KIAA1958: variants seen among roughly 807,000 people sequenced by gnomAD.
The protein encoded by KIAA1958 is uncharacterized protein KIAA1958.
KIAA1958 carries 14 observed loss-of-function variants against 47.2 expected under a neutral mutation model. The ratio of observed to expected loss-of-function variants is 0.30; its 90% CI spans 0.20 to 0.46. KIAA1958 has a LOEUF of 0.46. Among genes scored for constraint, KIAA1958 ranks in the 20% least tolerant of loss-of-function variants. The pLI is 1.00. For synonymous variants in KIAA1958, 354 were observed against 353.3 expected, an observed-to-expected ratio of 1.00 and a Z score of -0.02; for missense variants, 803 against 909.2, an observed-to-expected ratio of 0.88 and a Z score of 1.50.
chr9:112,645,791 A>G lies in KIAA1958; in HGVS notation c.1313A>G (p.Asn438Ser). 1.2e-6 allele frequency: 2 copies of G among 1,613,748 alleles called. No individual in the cohort carries two copies. The highest frequency in any genetic ancestry group is 1.7e-6 in the Non-Finnish European group (2 of 1,179,900). ...GTGTGGCGTTATTGGTGCATGACCA[A>G]CGGGCTCAAAGACCACACAGACATC... ...LNVWRYWCMTNGLKDHTDITK... is the reference protein window; with the variant it reads ...LNVWRYWCMTSGLKDHTDITK... Residue 438 changes from asparagine (N) to serine (S), a missense_variant, in exon 3 of 4, where the codon AAC (asparagine) becomes AGC (serine). This residue lies in a region of KIAA1958 where 761 missense variants were observed against 829.3 expected (regional missense o/e 0.92). Transcript: ENST00000337530.
chr9:112,552,261 C>T (rs1331795959), intron 1 of KIAA1958, among the ~76,000 whole-genome samples: 3 of 152,210 alleles, frequency 2.0e-5, no homozygotes, highest in Non-Finnish European at 4.4e-5. Context: ...CTCACAGAAA[C>T]CTCTGGAACA....
At chr9:112,582,145 T>G (rs1219794883) in intron 2 of KIAA1958, 1 of 154,156 alleles carries the variant, frequency 6.5e-6, no homozygotes, top group African/African-American at 2.4e-5. Flanking sequence ...CATTTTTTGC[T>G]CATTTACTTG....
intron 2 of KIAA1958, among the ~76,000 whole-genome samples, chr9:112,583,230 A>G (rs1375287913): frequency 6.6e-6 from 1 of 152,240 alleles, no homozygotes; most frequent in South Asian, 2.1e-4. Context: ...AGGCTTTGCC[A>G]GTCAAATGCA....
At chr9:112,584,490 T>G (rs978077675) in intron 2 of KIAA1958, among the ~76,000 whole-genome samples, 3 of 152,236 alleles carry the variant, frequency 2.0e-5, no homozygotes, top group African/African-American at 7.2e-5. Context: ...AGTATTTTTG[T>G]TAGAAAGCAA....
In KIAA1958 at chr9:112,645,753, G is replaced by GC; in HGVS notation, c.1275_1276insC (p.Tyr426LeufsTer94). The GC allele has an allele frequency of 6.2e-7, 1 of 1,614,160 alleles. No homozygotes were observed. The highest frequency in any genetic ancestry group is 8.5e-7 in the Non-Finnish European group (1 of 1,180,002). ...GCCCAAATACTACCAAAGCCACGCG[G>GC]TACGCCTTGAATGTGTGGCGTTATT... is the stretch of plus-strand genomic sequence containing the variant. On this transcript the variant is annotated frameshift_variant, in exon 3 of 4. Transcript: ENST00000337530. LOFTEE classifies it high-confidence loss of function.
intron 2 of KIAA1958, among the ~76,000 whole-genome samples, chr9:112,591,727 A>T (rs1009112933): frequency 3.3e-5 from 5 of 152,096 alleles, no homozygotes; most frequent in African/African-American, 1.2e-4. Flanking sequence ...TGTCTCCACA[A>T]AAAAAAGAAA....
chr9:112,513,242 T>G (rs1356454262), intron 1 of KIAA1958, among the ~76,000 whole-genome samples: 4 of 127,592 alleles, frequency 3.1e-5, no homozygotes, highest in Admixed American at 1.6e-4. Context: ...TGACCTCAGG[T>G]GATCCACCCA....
chr9:112,656,082 A>G (rs978163448), intron 3 of KIAA1958, among the ~76,000 whole-genome samples: 1 of 152,120 alleles, frequency 6.6e-6, no homozygotes, highest in Admixed American at 6.5e-5. Context: ...AAACTTTACA[A>G]TGCATTTTAG....
chr9:112,507,029 T>A lies in KIAA1958; in HGVS notation c.-25+19911T>A, dbSNP rs78522567. Among the ~76,000 whole-genome samples the A allele has an allele frequency of 5.5e-3, 834 of 152,236 alleles. 8 individuals carry two copies. The highest frequency in any genetic ancestry group is 0.019 in the African/African-American group (798 of 41,528). On this transcript the variant is annotated intron_variant, in intron 1 of 3. Transcript: ENST00000337530. ...CATTACATTAGACCTCTGAGAAAAATTTTTTAAGTGCTTCAATATTTATGA... is the reference window on the plus strand; with the variant it reads ...CATTACATTAGACCTCTGAGAAAAAATTTTTAAGTGCTTCAATATTTATGA...
chr9:112,629,662 CTG>C (rs910665762), intron 2 of KIAA1958, among the ~76,000 whole-genome samples: 1 of 152,140 alleles, frequency 6.6e-6, no homozygotes, highest in African/African-American at 2.4e-5. Flanking sequence ...TCATATTTGT[CTG>C]TGTACTTGTG....
At chr9:112,619,169 C>T (rs1246317807) in intron 2 of KIAA1958, 1 of 204,966 alleles carries the variant, frequency 4.9e-6, no homozygotes, top group African/African-American at 2.4e-5. Flanking sequence ...TTTACAAAAC[C>T]ATACGTGGTT....
intron 1 of KIAA1958, among the ~76,000 whole-genome samples, chr9:112,557,905 A>G (rs1191182309): frequency 2.0e-5 from 3 of 152,230 alleles, no homozygotes; most frequent in African/African-American, 2.4e-5. Flanking sequence ...TTAATATGAT[A>G]TGGCATACTG....
chr9:112,593,815 C>T (rs905840903), intron 2 of KIAA1958, among the ~76,000 whole-genome samples: 1 of 151,786 alleles, frequency 6.6e-6, no homozygotes, highest in African/African-American at 2.4e-5. Flanking sequence ...CCTCAAGCAC[C>T]AACTGCAAGG....
At position 112,574,190 on chromosome 9, in the gene KIAA1958, C is replaced by G. The variant is rs377509113; in HGVS notation, c.110C>G (p.Ser37Cys). Residue 37 changes from serine (S) to cysteine (C), a missense_variant, in exon 2 of 4, where the codon TCT becomes TGT. Transcript: ENST00000337530. ...SLIPNLKHLL[S>C]EGSHGNLTAM... is the part of the protein sequence containing the mutation. The stretch of plus-strand genomic sequence containing the variant: ...ATTCCAAACCTGAAACACTTGCTTT[C>G]TGAAGGTTCCCATGGGAACCTGACA... The G allele has an allele frequency of 7.4e-6, 12 of 1,614,146 alleles. No individual in the cohort carries two copies. The highest frequency in any genetic ancestry group is 9.3e-6 in the Non-Finnish European group (11 of 1,179,986).
chr9:112,601,363 A>G (rs1457883908), intron 2 of KIAA1958, among the ~76,000 whole-genome samples: 1 of 152,208 alleles, frequency 6.6e-6, no homozygotes, highest in African/African-American at 2.4e-5. Flanking sequence ...CTTTCAGACC[A>G]GAAAATCTGC....
chr9:112,523,442 T>TGTTAA (rs1440932835), intron 1 of KIAA1958, among the ~76,000 whole-genome samples: 1 of 51,160 alleles, frequency 2.0e-5, no homozygotes, highest in Non-Finnish European at 3.6e-5. Context: ...CAAAGTGTCT[T>TGTTAA]ATTAAATAAA....
At chr9:112,616,845 G>A (rs1310630609) in intron 2 of KIAA1958, among the ~76,000 whole-genome samples, 2 of 152,198 alleles carry the variant, frequency 1.3e-5, no homozygotes, top group Non-Finnish European at 2.9e-5. Context: ...GGTGAAAATA[G>A]AGTAAGATTT....
chr9:112,625,353 T>C (rs1836590617), intron 2 of KIAA1958, among the ~76,000 whole-genome samples: 1 of 152,080 alleles, frequency 6.6e-6, no homozygotes, highest in Non-Finnish European at 1.5e-5. Context: ...GGGATCTCAC[T>C]GTGTTGCCCA....
intron 1 of KIAA1958, among the ~76,000 whole-genome samples, chr9:112,547,451 C>CA (rs1320065624): frequency 2.0e-5 from 3 of 150,906 alleles, no homozygotes; most frequent in African/African-American, 7.3e-5. Flanking sequence ...GGGACAAGGG[C>CA]ATTCCAAAGT....
Sources: gnomAD v4.1 joint callset for allele counts (sites outside exome capture counted in the v4.1 genomes callset) on GRCh38, gnomAD v4.1.1 for gene constraint, gnomAD v4.1.1 regional missense constraint, MANE v1.5 for transcripts, NCBI Gene and HGNC (gene_info 2026-07-23, HGNC 2026-07-21) for gene names.